Variants in PTPRK observed in about 807,000 individuals in gnomAD.
PTPRK encodes receptor-type tyrosine-protein phosphatase kappa.
PTPRK carries 75 observed loss-of-function variants against 178.0 expected under a neutral mutation model. That is an observed-to-expected ratio of 0.42 (90% CI 0.35 to 0.51). The LOEUF is 0.51. Ranked by LOEUF, PTPRK falls within the 20% of genes least tolerant of loss-of-function variation. The pLI is 0.02. For missense variants in PTPRK, 1,441 were observed against 1,797.8 expected (o/e 0.80, Z 3.59); for synonymous variants, 637 against 620.6 (o/e 1.03, Z -0.39).
chr6:128,046,050 A>G (rs1187659184), intron 13 of PTPRK, among the ~76,000 whole-genome samples: 1 of 152,184 alleles, frequency 6.6e-6, no homozygotes, highest in Non-Finnish European at 1.5e-5. Context: ...GGATGTTGAC[A>G]GAAAAGCAGG....
intron 7 of PTPRK, among the ~76,000 whole-genome samples, chr6:128,183,440 A>T (rs773990794): frequency 3.3e-5 from 5 of 152,226 alleles, no homozygotes; most frequent in Non-Finnish European, 4.4e-5. Flanking sequence ...ACTCTCTATC[A>T]TCTAAGTCTC....
At chr6:128,469,976 A>T (rs1308760679) in intron 1 of PTPRK, among the ~76,000 whole-genome samples, 1 of 151,894 alleles carries the variant, frequency 6.6e-6, no homozygotes, top group East Asian at 1.9e-4. Context: ...GCCCAGTGAG[A>T]CTCCTGACTT....
intron 11 of PTPRK, 24 bp from the exon 12 acceptor site, chr6:128,067,816 C>T: frequency 6.4e-7 from 1 of 1,554,988 alleles, no homozygotes; most frequent in Non-Finnish European, 8.7e-7. Flanking sequence ...AAAAAAAGAA[C>T]ACACATATAT....
intron 3 of PTPRK, among the ~76,000 whole-genome samples, chr6:128,259,365 T>C (rs984751620): frequency 3.3e-5 from 5 of 152,114 alleles, no homozygotes; most frequent in South Asian, 4.1e-4. Flanking sequence ...TGCTTAAAAA[T>C]AGAATATGAA....
chr6:128,444,204 C>G (rs1846646014), intron 1 of PTPRK, among the ~76,000 whole-genome samples: 1 of 152,106 alleles, frequency 6.6e-6, no homozygotes, highest in African/African-American at 2.4e-5. Flanking sequence ...CAACTAGGCC[C>G]CAAGAATGCC....
In PTPRK at chr6:128,218,993, T is replaced by C; in HGVS notation, c.797A>G (p.Asp266Gly). 2 of 1,614,050 alleles carry C rather than the reference T, an allele frequency of 1.2e-6. No homozygotes were observed. Among genetic ancestry groups the C allele is most frequent in the Non-Finnish European group, 1.7e-6 (2 of 1,179,952 alleles). ...RLQEVTKTDQ[D>G]LYRCVTQSER... ...TGACTGAGTTACACAGCGATACAAA[T>C]CCTGGTCAGTTTTTGTCACTTCTTG... The change falls in exon 6 of 30, where the codon GAT becomes GGT. Residue 266 changes from aspartate to glycine, a missense_variant. By Grantham distance (94) the Asp-to-Gly change is moderately conservative. This residue lies in a region of PTPRK where 945 missense variants were observed against 1,080.6 expected (regional missense o/e 0.87). Coordinates refer to ENST00000368226, the MANE Select transcript of PTPRK (RefSeq NM_002844.4).
chr6:128,191,458 C>T (rs1339499002), intron 6 of PTPRK, among the ~76,000 whole-genome samples: 1 of 151,842 alleles, frequency 6.6e-6, no homozygotes, highest in African/African-American at 2.4e-5. Context: ...TCAAAGTGTA[C>T]AGAATTTGTT....
chr6:128,514,664 A>G (rs1166831951), intron 1 of PTPRK, among the ~76,000 whole-genome samples: 1 of 152,212 alleles, frequency 6.6e-6, no homozygotes, highest in African/African-American at 2.4e-5. Context: ...AACAACTGTA[A>G]GTGACAAAAT....
At chr6:128,481,732 G>C (rs747926432) in intron 1 of PTPRK, among the ~76,000 whole-genome samples, 6 of 151,822 alleles carry the variant, frequency 4.0e-5, no homozygotes, top group Non-Finnish European at 2.9e-5. Context: ...TAATACTGTT[G>C]ACTTGTTGAT....
rs759543702 is a variant in PTPRK, at chr6:127,973,144, G to T, written c.4147C>A (p.Arg1383=). Residue 1383 remains arginine, a synonymous_variant, in exon 29 of 30, where the codon CGA becomes AGA. Transcript: ENST00000368226. ...TIIHCLNGGG[R]SGMFCAIGIV... is the part of the protein sequence containing the mutation. ...CCTATAGCACAGAACATGCCACTTC[G>T]CCCGCCACCATTTCTGAAAGCAAAG... 2.5e-6 allele frequency: 4 copies of T among 1,607,322 alleles called. No individual in the cohort carries two copies. In the African/African-American group the frequency reaches 4.0e-5, roughly 16 times the overall value.
intron 3 of PTPRK, among the ~76,000 whole-genome samples, chr6:128,260,413 A>T (rs1818006675): frequency 6.6e-6 from 1 of 152,150 alleles, no homozygotes. Flanking sequence ...GCCCAAAAAT[A>T]AAATAGAGAA....
At chr6:128,488,353 G>A (rs1853271698) in intron 1 of PTPRK, among the ~76,000 whole-genome samples, 2 of 152,076 alleles carry the variant, frequency 1.3e-5, no homozygotes, top group Admixed American at 6.6e-5. Context: ...CCAAACCACT[G>A]ACTCAAACGT....
chr6:127,979,443 A>C (rs1183178528), intron 25 of PTPRK, among the ~76,000 whole-genome samples: 2 of 152,254 alleles, frequency 1.3e-5, no homozygotes, highest in Non-Finnish European at 2.9e-5. Context: ...TTAGATGCAG[A>C]AATGAAAAAG....
chr6:128,131,733 C>G (rs547097820), intron 7 of PTPRK, among the ~76,000 whole-genome samples: 1 of 152,244 alleles, frequency 6.6e-6, no homozygotes, highest in African/African-American at 2.4e-5. Context: ...TCCAAACCAC[C>G]ATCTCTCTGT....
intron 7 of PTPRK, among the ~76,000 whole-genome samples, chr6:128,147,872 A>C (rs1409261999): frequency 2.0e-5 from 3 of 152,160 alleles, no homozygotes; most frequent in African/African-American, 7.2e-5. Context: ...AATAAAGCAA[A>C]GGCTTTTCTG....
At chr6:128,205,117 A>G (rs999901060) in intron 6 of PTPRK, among the ~76,000 whole-genome samples, 1 of 152,236 alleles carries the variant, frequency 6.6e-6, no homozygotes, top group African/African-American at 2.4e-5. Context: ...TTGCAGGGAC[A>G]TGGAGAGACT....
intron 6 of PTPRK, among the ~76,000 whole-genome samples, chr6:128,190,154 A>C: frequency 6.6e-6 from 1 of 152,278 alleles, no homozygotes; most frequent in East Asian, 1.9e-4. Context: ...AATAAGAAGT[A>C]TACATTTGAA....
At chr6:128,254,461 C>T (rs948157930) in intron 3 of PTPRK, among the ~76,000 whole-genome samples, 6 of 151,996 alleles carry the variant, frequency 3.9e-5, no homozygotes, top group East Asian at 1.9e-4. Flanking sequence ...TATCCCAGAA[C>T]GACTAAAAAT....
chr6:128,124,941 C>G (rs563441816), intron 7 of PTPRK, among the ~76,000 whole-genome samples: 21 of 152,210 alleles, frequency 1.4e-4, no homozygotes, highest in Non-Finnish European at 2.6e-4. Flanking sequence ...TCCTGAGTCT[C>G]CAGGCTGCCA....
Sources: gnomAD v4.1 joint callset for allele counts (sites outside exome capture counted in the v4.1 genomes callset) on GRCh38, gnomAD v4.1.1 for gene constraint, gnomAD v4.1.1 regional missense constraint, MANE v1.5 for transcripts, NCBI Gene and HGNC (gene_info 2026-07-23, HGNC 2026-07-21) for gene names.